Variants in ADIPOQ observed in about 807,000 individuals in gnomAD.
The protein encoded by ADIPOQ is adiponectin.
In ADIPOQ, 19 loss-of-function variants were observed where a neutral mutation model predicts 16.1. The observed-to-expected ratio is 1.18, with a 90% CI of 0.82 to 1.73. ADIPOQ has a LOEUF of 1.73. Ranked by LOEUF, ADIPOQ falls within the 40% of genes most tolerant of loss-of-function variation. The pLI, the probability that ADIPOQ is intolerant of heterozygous loss-of-function variation, is 0.00. For synonymous variants in ADIPOQ, 124 were observed against 125.5 expected (o/e 0.99, Z 0.08); for missense variants, 323 against 308.3 (o/e 1.05, Z -0.36).
At chr3:186,853,911 G>A in intron 2 of ADIPOQ, 1 of 359,456 alleles carries the variant, frequency 2.8e-6, no homozygotes, top group Non-Finnish European at 5.0e-6. Flanking sequence ...CAGGGTTGAT[G>A]GTGCCAGCAC....
At position 186,855,193 on chromosome 3, in the gene ADIPOQ, C is replaced by T. The variant is rs771723603; in HGVS notation, c.*489C>T. Reference sequence around the variant, plus strand: ...AGTGTTGGTAGGTGTCTGTTTCCCACCTCACCTGAGAGCCATTGAATTTGC... The same window carrying T: ...AGTGTTGGTAGGTGTCTGTTTCCCATCTCACCTGAGAGCCATTGAATTTGC... On this transcript the variant is annotated 3_prime_UTR_variant, in exon 3 of 3. Coordinates refer to ENST00000320741, the MANE Select transcript of ADIPOQ (RefSeq NM_004797.4). 5.7e-6 allele frequency: 1 copy of T among 174,432 alleles called. No homozygotes were observed. Among genetic ancestry groups the T allele is most frequent in the Non-Finnish European group, 1.2e-5 (1 of 81,172 alleles). 10.8% of individuals were successfully genotyped at this position (174,432 alleles called of 1,614,324 possible). A position where few individuals can be genotyped will look rare whatever the true frequency, so the allele number is the denominator to read the frequency against.
chr3:186,846,379 G>T (rs1043091332), intron 1 of ADIPOQ, among the ~76,000 whole-genome samples: 2 of 151,970 alleles, frequency 1.3e-5, no homozygotes, highest in Non-Finnish European at 2.9e-5. Flanking sequence ...TTACAGGCAG[G>T]CACCACCACC....
chr3:186,849,697 AT>A (rs1221632285), intron 1 of ADIPOQ, among the ~76,000 whole-genome samples: 2 of 152,200 alleles, frequency 1.3e-5, no homozygotes, highest in African/African-American at 4.8e-5. Flanking sequence ...TTCATTATCA[AT>A]GGTTACTTTA....
intron 1 of ADIPOQ, among the ~76,000 whole-genome samples, chr3:186,845,215 A>G (rs1319392938): frequency 1.3e-5 from 2 of 151,900 alleles, no homozygotes; most frequent in African/African-American, 4.8e-5. Flanking sequence ...TGTGTTGGGC[A>G]TGGAGATATT....
At chr3:186,851,458 G>T (rs955410732) in intron 1 of ADIPOQ, among the ~76,000 whole-genome samples, 1 of 152,078 alleles carries the variant, frequency 6.6e-6, no homozygotes, top group Non-Finnish European at 1.5e-5. Flanking sequence ...GGGGATAAAA[G>T]TCCCTATACC....
At chr3:186,843,660 CAA>C (rs35615373) in intron 1 of ADIPOQ, among the ~76,000 whole-genome samples, 186 of 126,712 alleles carry the variant, frequency 1.5e-3, no homozygotes, top group Middle Eastern at 7.8e-3. Flanking sequence ...GACTTTGTGT[CAA>C]AAAAAAAAAA....
chr3:186,847,568 A>AT (rs533578872), intron 1 of ADIPOQ, among the ~76,000 whole-genome samples: 5 of 151,234 alleles, frequency 3.3e-5, no homozygotes, highest in Non-Finnish European at 5.9e-5. Context: ...ATACTACCTC[A>AT]TTTTTTTTTA....
rs33955672 is a variant in ADIPOQ at position 186,844,511 on chromosome 3, CAAAA to C, written c.-9+1778_-9+1781del. On this transcript the variant is annotated intron_variant, in intron 1 of 2. Transcript: ENST00000320741. ...GGGCAAAAAAAGCAAAACTCCATCT[CAAAA>C]AAAAAAAAAAAAAAATAGACACAAG... is the stretch of plus-strand genomic sequence containing the variant. Among the ~76,000 whole-genome samples, 1,166 of 122,432 alleles carry C rather than the reference CAAAA, an allele frequency of 9.5e-3. 9 individuals carry two copies. The highest frequency in any genetic ancestry group is 0.013 in the Middle Eastern group (3 of 228). The allele number at this position is 122,432 out of a possible 152,430, so 80.3% of individuals were successfully genotyped here. A position where few individuals can be genotyped will look rare whatever the true frequency, so the allele number is the denominator to read the frequency against.
At chr3:186,848,273 A>T (rs56044645) in intron 1 of ADIPOQ, among the ~76,000 whole-genome samples, 1 of 105,672 alleles carries the variant, frequency 9.5e-6, no homozygotes. Context: ...AAGGAAGGAA[A>T]GAAGGAAGGA....
Position 186,858,412 on chromosome 3 carries a change from T to C in ADIPOQ, c.*3708T>C, listed in dbSNP as rs566327256. 1 of 152,212 alleles carries C rather than the reference T, an allele frequency of 6.6e-6. No homozygotes were observed. Among genetic ancestry groups the C allele is most frequent in the East Asian group, 1.9e-4 (1 of 5,190 alleles). The allele number at this position is 152,212 out of a possible 1,614,324, so 9.4% of individuals were successfully genotyped here. A position where few individuals can be genotyped will look rare whatever the true frequency, so the allele number is the denominator to read the frequency against. On this transcript the variant is annotated 3_prime_UTR_variant, in exon 3 of 3. Coordinates refer to ENST00000320741, the MANE Select transcript of ADIPOQ (RefSeq NM_004797.4). ...TTTTTATCCAGTCTAAAAATATCTG[T>C]CTTTTAATTGGTGTTTAGACAATTT...
intron 2 of ADIPOQ, 69 bp downstream of exon 2, chr3:186,853,341 T>C: frequency 6.6e-7 from 1 of 1,507,674 alleles, no homozygotes; most frequent in Non-Finnish European, 9.0e-7. Flanking sequence ...AAGGCATTCA[T>C]TATTAACTAA....
chr3:186,851,508 G>T (rs1177457701), intron 1 of ADIPOQ, among the ~76,000 whole-genome samples: 1 of 152,096 alleles, frequency 6.6e-6, no homozygotes, highest in Non-Finnish European at 1.5e-5. Context: ...ATCAAAGAAT[G>T]ATTTTGAGAC....
At chr3:186,848,846 GT>G (rs1183140494) in intron 1 of ADIPOQ, among the ~76,000 whole-genome samples, 1 of 152,024 alleles carries the variant, frequency 6.6e-6, no homozygotes, top group Non-Finnish European at 1.5e-5. Context: ...TTAATTGCTG[GT>G]TTCCCACCCA....
At chr3:186,852,991 A>C in intron 1 of ADIPOQ, 60 bp from the exon 2 acceptor site, 2 of 1,577,260 alleles carry the variant, frequency 1.3e-6, no homozygotes, top group Non-Finnish European at 1.7e-6. Flanking sequence ...TGTAGGTCCC[A>C]ACTGGGTGTG....
chr3:186,847,604 T>G (rs1711613148), intron 1 of ADIPOQ, among the ~76,000 whole-genome samples: 2 of 152,310 alleles, frequency 1.3e-5, no homozygotes, highest in South Asian at 4.1e-4. Flanking sequence ...GCGCTTAGCT[T>G]CATCACTCCT....
intron 1 of ADIPOQ, among the ~76,000 whole-genome samples, chr3:186,848,273 A>AGAAGGAAG: frequency 9.5e-6 from 1 of 105,756 alleles, no homozygotes; most frequent in East Asian, 2.9e-4. Flanking sequence ...AAGGAAGGAA[A>AGAAGGAAG]GAAGGAAGGA....
chr3:186,847,602 C>A (rs148015679), intron 1 of ADIPOQ, among the ~76,000 whole-genome samples: 329 of 152,132 alleles, frequency 2.2e-3, no homozygotes, highest in Non-Finnish European at 3.7e-3. Flanking sequence ...GTGCGCTTAG[C>A]TTCATCACTC....
In ADIPOQ at chr3:186,853,154, C is replaced by T. The variant is rs62622816; in HGVS notation, c.96C>T (p.Pro32=). 50 of 1,614,068 alleles carry T rather than the reference C, an allele frequency of 3.1e-5. No individual in the cohort carries two copies. Among genetic ancestry groups the T allele is most frequent in the Non-Finnish European group, 4.2e-5 (49 of 1,180,030 alleles). The part of the protein sequence containing the change: ...TQGPGVLLPL[P]KGACTGWMAG... ...GGCCCGGAGTCCTGCTTCCCCTGCC[C>T]AAGGGGGCCTGCACAGGTTGGATGG... Residue 32 remains proline, a synonymous_variant, in exon 2 of 3, where the codon CCC becomes CCT. Transcript: ENST00000320741.
chr3:186,848,948 T>C (rs1012843234), intron 1 of ADIPOQ, among the ~76,000 whole-genome samples: 1 of 152,206 alleles, frequency 6.6e-6, no homozygotes, highest in Non-Finnish European at 1.5e-5. Flanking sequence ...CACACTCTTG[T>C]ATTTTTGGCA....
Sources: gnomAD v4.1 joint callset for allele counts (sites outside exome capture counted in the v4.1 genomes callset) on GRCh38, gnomAD v4.1.1 for gene constraint, MANE v1.5 for transcripts, NCBI Gene and HGNC (gene_info 2026-07-23, HGNC 2026-07-21) for gene names.